Variants in GRID2 observed in about 807,000 individuals in gnomAD.
GRID2 encodes the protein glutamate ionotropic receptor delta type subunit 2.
Under a neutral mutation model 114.8 loss-of-function variants are expected in GRID2, and 33 were observed. The observed-to-expected ratio is 0.29, with a 90% CI of 0.22 to 0.38. The LOEUF is 0.38. Among genes scored for constraint, GRID2 ranks in the 10% least tolerant of loss-of-function variants. The pLI is 1.00. For synonymous variants in GRID2, 505 were observed against 449.9 expected (o/e 1.12, Z -1.55); for missense variants, 1,184 against 1,257.7 (o/e 0.94, Z 0.89).
At chr4:93,181,492 C>T (rs769292654) in intron 4 of GRID2, among the ~76,000 whole-genome samples, 1 of 152,122 alleles carries the variant, frequency 6.6e-6, no homozygotes, top group Non-Finnish European at 1.5e-5. Context: ...AGCCGTCCTT[C>T]GAAACTTTGA....
intron 2 of GRID2, among the ~76,000 whole-genome samples, chr4:93,060,589 C>T (rs1727690223): frequency 6.6e-6 from 1 of 152,062 alleles, no homozygotes; most frequent in Non-Finnish European, 1.5e-5. Flanking sequence ...GCCATAAGTG[C>T]TCATAGAAAT....
At position 93,426,208 on chromosome 4, in the gene GRID2, T is replaced by C. The variant is rs188896617; in HGVS notation, c.1545+3240T>C. 8.9e-4 allele frequency among the ~76,000 whole-genome samples: 136 copies of C among 152,322 alleles called. 1 individual carries two copies. The highest frequency in any genetic ancestry group is 6.8e-3 in the Middle Eastern group (2 of 294). The stretch of plus-strand genomic sequence containing the variant: ...TACATAAGTTACATATAGAATTGTA[T>C]TGGAAAGCATTAATATCGTTATTTT... On this transcript the variant is annotated intron_variant, in intron 10 of 15. Transcript: ENST00000282020.
chr4:93,235,411 C>T (rs1340306415), intron 7 of GRID2, among the ~76,000 whole-genome samples: 1 of 151,986 alleles, frequency 6.6e-6, no homozygotes, highest in African/African-American at 2.4e-5. Flanking sequence ...CATGCATGCA[C>T]AAAAATAATG....
intron 1 of GRID2, among the ~76,000 whole-genome samples, chr4:92,343,596 G>A (rs1031016033): frequency 1.3e-5 from 2 of 152,032 alleles, no homozygotes; most frequent in Non-Finnish European, 2.9e-5. Context: ...ATTTGGAGAT[G>A]GAGTTTTGCT....
At chr4:92,714,516 T>G (rs1735436389) in intron 2 of GRID2, among the ~76,000 whole-genome samples, 1 of 152,214 alleles carries the variant, frequency 6.6e-6, no homozygotes, top group South Asian at 2.1e-4. Flanking sequence ...ACCCCACATT[T>G]CCCTTCCCCA....
At chr4:92,574,411 GTATT>G (rs1382064229) in intron 1 of GRID2, among the ~76,000 whole-genome samples, 84 of 122,940 alleles carry the variant, frequency 6.8e-4, no homozygotes, top group East Asian at 2.2e-3. Flanking sequence ...CTGTACTTTA[GTATT>G]TTTTTTTTTT....
intron 14 of GRID2, among the ~76,000 whole-genome samples, chr4:93,716,815 T>C (rs1285303536): frequency 6.6e-6 from 1 of 152,090 alleles, no homozygotes; most frequent in Non-Finnish European, 1.5e-5. Context: ...AAGTTATTGC[T>C]TAAATCTAAG....
chr4:93,346,881 C>A (rs1489095629), intron 8 of GRID2, among the ~76,000 whole-genome samples: 1 of 152,126 alleles, frequency 6.6e-6, no homozygotes, highest in Non-Finnish European at 1.5e-5. Context: ...TTTAATAATT[C>A]ATAAATAGGA....
In GRID2 at chr4:93,324,989, T is replaced by C. The variant is rs186303491; in HGVS notation, c.1246-70618T>C. Among the ~76,000 whole-genome samples, 441 of 152,316 alleles carry C rather than the reference T, an allele frequency of 2.9e-3. 2 individuals carry two copies. The highest frequency in any genetic ancestry group is 0.01 in the African/African-American group (424 of 41,572). On this transcript the variant is annotated intron_variant, in intron 8 of 15. Coordinates refer to ENST00000282020, the MANE Select transcript of GRID2 (RefSeq NM_001510.4). ...TTGTTGATCTTTTCAAAAAACCAGC[T>C]TCTGGATTCATTGATTTTTTGAAGG...
At chr4:93,440,954 G>T (rs1721567528) in intron 10 of GRID2, among the ~76,000 whole-genome samples, 1 of 151,974 alleles carries the variant, frequency 6.6e-6, no homozygotes, top group African/African-American at 2.4e-5. Flanking sequence ...TTTGCCAAAG[G>T]GAATGATACC....
intron 2 of GRID2, among the ~76,000 whole-genome samples, chr4:92,739,688 T>C (rs1433057239): frequency 6.6e-6 from 1 of 152,016 alleles, no homozygotes; most frequent in Non-Finnish European, 1.5e-5. Context: ...AAGGAAGAAA[T>C]AGTTTAATGG....
rs796999232 is a variant in GRID2, at chr4:92,557,627, C to T, written c.89-32504C>T. The stretch of plus-strand genomic sequence containing the variant: ...GTGTATTAGATATTTTAATACTTCA[C>T]TGCATATATATATATGGTTATATAT... On this transcript the variant is annotated intron_variant, in intron 1 of 15. Transcript: ENST00000282020. Among the ~76,000 whole-genome samples, 28 of 113,212 alleles carry T rather than the reference C, an allele frequency of 2.5e-4. No individual in the cohort carries two copies. In the East Asian group the frequency reaches 4.3e-3, roughly 17 times the overall value. 74.3% of individuals were successfully genotyped at this position (113,212 alleles called of 152,430 possible). A position where few individuals can be genotyped will look rare whatever the true frequency, so the allele number is the denominator to read the frequency against.
intron 9 of GRID2, among the ~76,000 whole-genome samples, chr4:93,408,218 C>A (rs1188038117): frequency 6.6e-6 from 1 of 152,112 alleles, no homozygotes; most frequent in East Asian, 1.9e-4. Context: ...TTGAAAATTA[C>A]CCCTCCTTTG....
chr4:92,942,212 T>C (rs1560726254), intron 2 of GRID2, among the ~76,000 whole-genome samples: 3 of 152,286 alleles, frequency 2.0e-5, no homozygotes, highest in South Asian at 2.1e-4. Flanking sequence ...CTAAGTCTCT[T>C]TGTAGGTCAC....
intron 14 of GRID2, among the ~76,000 whole-genome samples, chr4:93,657,454 A>C (rs1723119315): frequency 6.6e-6 from 1 of 152,108 alleles, no homozygotes; most frequent in Non-Finnish European, 1.5e-5. Context: ...ATTTTTCTCT[A>C]CTTTAAATAC....
At chr4:92,895,689 T>C (rs1171773228) in intron 2 of GRID2, among the ~76,000 whole-genome samples, 1 of 152,042 alleles carries the variant, frequency 6.6e-6, no homozygotes, top group Non-Finnish European at 1.5e-5. Flanking sequence ...GTTACTCAAA[T>C]CCTTAGAATG....
Position 92,794,874 on chromosome 4 carries a change from T to TTATATATATATATATA in GRID2, c.244+204605_244+204620dup, listed in dbSNP as rs34559735. Among the ~76,000 whole-genome samples the TTATATATATATATATA allele has an allele frequency of 3.2e-3, 335 of 105,942 alleles. 3 individuals are homozygous for TTATATATATATATATA. Among genetic ancestry groups the TTATATATATATATATA allele is most frequent in the African/African-American group, 5.3e-3 (127 of 23,970 alleles). The allele number at this position is 105,942 out of a possible 152,430, so 69.5% of individuals were successfully genotyped here. On this transcript the variant is annotated intron_variant, in intron 2 of 15. Coordinates refer to ENST00000282020, the MANE Select transcript of GRID2 (RefSeq NM_001510.4). ...CAGAGTCATTTAATAAATAATTGTT[T>TTATATATATATATATA]TATATATATATATATATATATATAT...
intron 2 of GRID2, among the ~76,000 whole-genome samples, chr4:92,682,484 A>G (rs1733695158): frequency 6.6e-6 from 1 of 152,204 alleles, no homozygotes; most frequent in Non-Finnish European, 1.5e-5. Context: ...TACTGGTCTA[A>G]GCCTGAAAGT....
intron 8 of GRID2, among the ~76,000 whole-genome samples, chr4:93,287,412 C>T (rs1439367028): frequency 6.6e-6 from 1 of 152,066 alleles, no homozygotes; most frequent in Non-Finnish European, 1.5e-5. Flanking sequence ...AAAGAGTTTC[C>T]ACAGTGCTAT....
Sources: allele counts gnomAD v4.1 joint callset (sites outside exome capture counted in the v4.1 genomes callset), GRCh38; gene constraint gnomAD v4.1.1; transcripts MANE v1.5; gene names NCBI Gene and HGNC (gene_info 2026-07-23, HGNC 2026-07-21).